The following UIMC1 variants were observed in gnomAD, a reference collection of about 807,000 sequenced individuals.
UIMC1 encodes the protein BRCA1-A complex subunit RAP80.
Under a neutral mutation model 84.9 loss-of-function variants are expected in UIMC1, and 42 were observed. That is an observed-to-expected ratio of 0.49 (90% CI 0.39 to 0.64). UIMC1 has a LOEUF of 0.64. Among genes scored for constraint, UIMC1 ranks in the 30% least tolerant of loss-of-function variants. UIMC1 has a pLI of 0.00. For synonymous variants in UIMC1, 281 were observed against 293.0 expected, an observed-to-expected ratio of 0.96 and a Z score of 0.42; for missense variants, 825 against 847.6, an observed-to-expected ratio of 0.97 and a Z score of 0.33.
At chr5:176,982,656 T>C in intron 1 of UIMC1, 33 bp from the exon 2 acceptor site, 1 of 1,579,894 alleles carries the variant, frequency 6.3e-7, no homozygotes, top group Non-Finnish European at 8.6e-7. Context: ...TTGTCTAGAA[T>C]AAAAAGATCA....
chr5:176,983,515 G>C (rs970434089), intron 1 of UIMC1, among the ~76,000 whole-genome samples: 8 of 152,150 alleles, frequency 5.3e-5, no homozygotes, highest in Non-Finnish European at 1.2e-4. Context: ...GATTGCAGAC[G>C]GAGTCTCGCT....
intron 6 of UIMC1, 133 bp downstream of exon 6, chr5:176,968,422 T>A: frequency 1.5e-6 from 2 of 1,310,420 alleles, no homozygotes; most frequent in Non-Finnish European, 2.1e-6. Context: ...TCCTGTACTT[T>A]CCTAATTTTC....
chr5:176,984,291 G>A (rs1482690283), intron 1 of UIMC1, among the ~76,000 whole-genome samples: 1 of 89,178 alleles, frequency 1.1e-5, no homozygotes, highest in African/African-American at 3.8e-5. Flanking sequence ...CGCCTCTGCC[G>A]GCCGCCACCC....
At chr5:176,930,271 T>C (rs1179232338) in intron 10 of UIMC1, among the ~76,000 whole-genome samples, 2 of 152,122 alleles carry the variant, frequency 1.3e-5, no homozygotes, top group East Asian at 3.8e-4. Flanking sequence ...AAACACACAG[T>C]TTTACCACAA....
intron 9 of UIMC1, among the ~76,000 whole-genome samples, chr5:176,944,013 G>A (rs960114382): frequency 7.2e-5 from 11 of 152,100 alleles, no homozygotes; most frequent in African/African-American, 2.7e-4. Context: ...TGCCTGCTGG[G>A]TTTCACATTT....
rs1488698201 is a variant in UIMC1 at position 176,905,509 on chromosome 5, A to C, written c.1950-17T>G. On this transcript the variant is annotated splice_polypyrimidine_tract_variant and intron_variant, in intron 14 of 14. Coordinates refer to ENST00000511320, the MANE Select transcript of UIMC1 (RefSeq NM_001199298.2). ...GAAGGCACCCTAGAGAGAAGGAAAA[A>C]AATTCAGATTCAATATACACCTACT... 6.2e-7 allele frequency: 1 copy of C among 1,611,240 alleles called. No homozygotes were observed. The highest frequency in any genetic ancestry group is 1.7e-5 in the Admixed American group (1 of 59,804).
At chr5:176,967,800 G>A (rs10040795) in intron 6 of UIMC1, among the ~76,000 whole-genome samples, 2,418 of 151,730 alleles carry the variant, frequency 0.016, 66 homozygotes, top group African/African-American at 0.055. Context: ...CTATTGCGAC[G>A]GGCTGAGGTT....
chr5:176,984,122 A>G (rs866620393), intron 1 of UIMC1, among the ~76,000 whole-genome samples: 697 of 28,108 alleles, frequency 0.025, 5 homozygotes, highest in South Asian at 0.044. Context: ...CCCTGTCTGG[A>G]AAGTGAGGAG....
intron 10 of UIMC1, among the ~76,000 whole-genome samples, chr5:176,921,721 T>C (rs1317012070): frequency 6.6e-6 from 1 of 152,172 alleles, no homozygotes; most frequent in East Asian, 1.9e-4. Flanking sequence ...AGATCTTCCC[T>C]GGAATAATGC....
chr5:176,963,324 C>CA (rs1304109708), intron 6 of UIMC1, among the ~76,000 whole-genome samples: 6 of 151,876 alleles, frequency 4.0e-5, no homozygotes, highest in Non-Finnish European at 7.4e-5. Flanking sequence ...AGTTCAAGAC[C>CA]AGACTGGCCA....
chr5:177,010,774 C>T (rs1022264021), upstream of UIMC1, among the ~76,000 whole-genome samples: 7 of 152,258 alleles, frequency 4.6e-5, no homozygotes, highest in Admixed American at 1.3e-4. Context: ...CCGCCTGCCT[C>T]GGCCTCCCAA....
At position 176,982,555 on chromosome 5, in the gene UIMC1, CCTT is replaced by C. The variant is rs1771214941; in HGVS notation, c.58_60del (p.Lys20del). ...CTGACAGAACTGGTAGTTTCCACAT[CCTT>C]CTTCTCCAGGTTCCGAGATTCGGAG... On this transcript the variant is annotated inframe_deletion, in exon 2 of 15. Transcript: ENST00000511320. The C allele has an allele frequency of 1.2e-6, 2 of 1,614,128 alleles. No individual in the cohort carries two copies. The highest frequency in any genetic ancestry group is 8.5e-7 in the Non-Finnish European group (1 of 1,180,030).
At chr5:176,973,890 T>A (rs528483686) in intron 3 of UIMC1, among the ~76,000 whole-genome samples, 1 of 151,924 alleles carries the variant, frequency 6.6e-6, no homozygotes, top group South Asian at 2.1e-4. Flanking sequence ...AGACCCTGTC[T>A]CAAAAAGAAA....
intron 10 of UIMC1, among the ~76,000 whole-genome samples, chr5:176,914,885 C>T (rs1324123121): frequency 6.6e-6 from 1 of 152,166 alleles, no homozygotes; most frequent in East Asian, 1.9e-4. Flanking sequence ...TTCTATCAAC[C>T]AGCCCATACT....
chr5:176,925,336 C>T (rs1762263708), intron 10 of UIMC1, among the ~76,000 whole-genome samples: 2 of 152,066 alleles, frequency 1.3e-5, no homozygotes, highest in Non-Finnish European at 2.9e-5. Context: ...AAAACAGTAT[C>T]AAATGGTAGC....
At chr5:177,006,044 G>A (rs1433957498) in intron 1 of UIMC1, among the ~76,000 whole-genome samples, 1 of 152,144 alleles carries the variant, frequency 6.6e-6, no homozygotes, top group Non-Finnish European at 1.5e-5. Flanking sequence ...AGAAAACGAG[G>A]ATCACACAAC....
At chr5:176,989,574 T>C (rs1772504636) in intron 1 of UIMC1, among the ~76,000 whole-genome samples, 1 of 151,870 alleles carries the variant, frequency 6.6e-6, no homozygotes, top group Non-Finnish European at 1.5e-5. Context: ...GCAGGATTGC[T>C]TGAACCCAGG....
Position 176,908,614 on chromosome 5 carries a change from G to A in UIMC1, c.1757C>T (p.Ala586Val), listed in dbSNP as rs140792739. 2.0e-5 allele frequency: 33 copies of A among 1,614,052 alleles called. No homozygotes were observed. The highest frequency in any genetic ancestry group is 2.5e-5 in the Non-Finnish European group (30 of 1,180,010). The change falls in exon 12 of 15, where the codon GCA becomes GTA. Residue 586 changes from alanine (A) to valine (V), a missense_variant. Ala to Val is a moderately conservative substitution (Grantham distance 64, BLOSUM62 0). Transcript: ENST00000511320. ...QCHVDSCLQL[A>V]KADQGDGPEG... is the part of the protein sequence containing the mutation. ...AGGTCCATCTCCTTGGTCAGCCTTT[G>A]CAAGCTGGAGACAGGAGTCCACATG...
chr5:176,968,130 T>C (rs1437478012), intron 6 of UIMC1, among the ~76,000 whole-genome samples: 1 of 152,012 alleles, frequency 6.6e-6, no homozygotes, highest in Non-Finnish European at 1.5e-5. Flanking sequence ...TCCCAACACT[T>C]TGGGAGGCCA....
Sources: allele counts gnomAD v4.1 joint callset (sites outside exome capture counted in the v4.1 genomes callset), GRCh38; gene constraint gnomAD v4.1.1; transcripts MANE v1.5; gene names NCBI Gene and HGNC (gene_info 2026-07-23, HGNC 2026-07-21).